STK40: variants seen among roughly 807,000 people sequenced by gnomAD.
STK40 encodes serine/threonine-protein kinase 40.
STK40 carries 13 observed loss-of-function variants against 47.9 expected under a neutral mutation model. That is an observed-to-expected ratio of 0.27 (90% CI 0.18 to 0.43). The LOEUF is 0.43. Among genes scored for constraint, STK40 ranks in the 20% least tolerant of loss-of-function variants. The pLI is 1.00. For synonymous variants in STK40, 225 were observed against 243.2 expected (o/e 0.93, Z 0.69); for missense variants, 460 against 595.1 (o/e 0.77, Z 2.36).
intron 1 of STK40, among the ~76,000 whole-genome samples, chr1:36,384,888 A>G (rs1163936957): frequency 9.2e-5 from 14 of 152,262 alleles, no homozygotes; most frequent in Admixed American, 7.9e-4. Context: ...CGCCCAGCCC[A>G]GTATGCCTAC....
Position 36,358,768 on chromosome 1 carries a change from T to C in STK40, c.167A>G (p.Lys56Arg), listed in dbSNP as rs757202250. Residue 56 changes from lysine (K) to arginine (R), a missense_variant, in exon 3 of 11, where the codon AAA (lysine) becomes AGA (arginine). Physicochemically the swap from Lys to Arg is conservative, Grantham distance 26. This residue lies in a region of STK40 where 277 missense variants were observed against 358.7 expected (regional missense o/e 0.77). Transcript: ENST00000373132. ...VPSIVQCLAR[K>R]DGTDDFYQLK... The stretch of plus-strand genomic sequence containing the variant: ...CTGATAGAAGTCATCCGTGCCATCT[T>C]TCCTCGCCAAACACTGCACTATGCT... The C allele has an allele frequency of 2.5e-6, 4 of 1,614,058 alleles. No homozygotes were observed. In the East Asian group the frequency reaches 6.7e-5, roughly 27 times the overall value.
At chr1:36,357,853 G>A (rs1428986540) in intron 4 of STK40, among the ~76,000 whole-genome samples, 3 of 152,198 alleles carry the variant, frequency 2.0e-5, no homozygotes, top group Non-Finnish European at 2.9e-5. Flanking sequence ...CTGACCTTGT[G>A]ATCTGCCCAC....
At chr1:36,355,164 C>T (rs367917186) in intron 5 of STK40, 42 bp downstream of exon 5, 24 of 1,601,140 alleles carry the variant, frequency 1.5e-5, no homozygotes, top group African/African-American at 2.7e-5. Flanking sequence ...AGAAAGGTGG[C>T]TTTCTGTGGC....
intron 10 of STK40, 112 bp from the exon 11 acceptor site, chr1:36,342,085 C>T: frequency 1.0e-6 from 1 of 1,002,942 alleles, no homozygotes; most frequent in Non-Finnish European, 1.5e-6. Context: ...AGTCACCCTT[C>T]CAGGCACCAC....
chr1:36,354,686 C>T (rs888506238), intron 5 of STK40, among the ~76,000 whole-genome samples: 15 of 152,190 alleles, frequency 9.9e-5, no homozygotes, highest in Middle Eastern at 3.4e-3. Context: ...TGGCTGGTGG[C>T]GAAAGTCACT....
chr1:36,346,421 C>T (rs566406287), intron 7 of STK40, among the ~76,000 whole-genome samples: 1 of 152,352 alleles, frequency 6.6e-6, no homozygotes, highest in East Asian at 1.9e-4. Flanking sequence ...AGACTATCAC[C>T]TCCATGAGGG....
At chr1:36,343,232 C>G in intron 10 of STK40, 132 bp downstream of exon 10, 1 of 1,052,420 alleles carries the variant, frequency 9.5e-7, no homozygotes, top group Non-Finnish European at 1.4e-6. Context: ...CTTTCCCACC[C>G]CAAGGCTGGG....
chr1:36,368,659 T>C (rs1209589260), intron 1 of STK40, among the ~76,000 whole-genome samples: 2 of 152,064 alleles, frequency 1.3e-5, no homozygotes, highest in Admixed American at 1.3e-4. Context: ...AAAACATCCA[T>C]GTCAGACAGT....
chr1:36,372,997 G>C (rs938783440), intron 1 of STK40, among the ~76,000 whole-genome samples: 10 of 152,242 alleles, frequency 6.6e-5, no homozygotes, highest in Admixed American at 5.9e-4. Flanking sequence ...GAGAACCAAG[G>C]GTTTCAAGCC....
At chr1:36,343,158 G>C in intron 10 of STK40, 1 of 705,456 alleles carries the variant, frequency 1.4e-6, no homozygotes. Context: ...TCTGGCCAAA[G>C]ATCTCCAGCT....
intron 1 of STK40, among the ~76,000 whole-genome samples, chr1:36,373,500 C>T (rs1646967364): frequency 6.6e-6 from 1 of 152,152 alleles, no homozygotes; most frequent in Non-Finnish European, 1.5e-5. Context: ...TGACAGCCAT[C>T]CCTGAAGAAG....
chr1:36,377,197 CT>C (rs1474007368), intron 1 of STK40, among the ~76,000 whole-genome samples: 1 of 152,040 alleles, frequency 6.6e-6, no homozygotes, highest in Non-Finnish European at 1.5e-5. Flanking sequence ...ACTAACAATA[CT>C]TTTTTAAAAT....
chr1:36,342,934 C>A (rs1359777665), intron 10 of STK40: 3 of 520,630 alleles, frequency 5.8e-6, no homozygotes, highest in Non-Finnish European at 1.0e-5. Context: ...CAAGTCTCTG[C>A]CCCCACCCTA....
chr1:36,381,940 C>T (rs1346983421), intron 1 of STK40, among the ~76,000 whole-genome samples: 1 of 152,148 alleles, frequency 6.6e-6, no homozygotes, highest in East Asian at 1.9e-4. Context: ...TAGGAGCCTG[C>T]CCCTAGATCA....
intron 1 of STK40, among the ~76,000 whole-genome samples, chr1:36,382,688 T>C (rs1040694571): frequency 6.6e-6 from 1 of 152,238 alleles, no homozygotes; most frequent in African/African-American, 2.4e-5. Flanking sequence ...CAATGGGACA[T>C]AGTTCTAGTT....
At chr1:36,358,489 C>T in intron 3 of STK40, 107 bp from the exon 4 acceptor site, 1 of 1,417,954 alleles carries the variant, frequency 7.1e-7, no homozygotes, top group Non-Finnish European at 9.6e-7. Flanking sequence ...GACATTTGTG[C>T]ACAATGCACA....
chr1:36,384,082 T>G (rs1647064782), intron 1 of STK40, among the ~76,000 whole-genome samples: 1 of 150,552 alleles, frequency 6.6e-6, no homozygotes, highest in Non-Finnish European at 1.5e-5. Context: ...CAGGCTGGAG[T>G]GCACTGGCTT....
At chr1:36,358,567 T>C (rs1403904763) in intron 3 of STK40, among the ~76,000 whole-genome samples, 170 bp downstream of exon 3, 1 of 152,162 alleles carries the variant, frequency 6.6e-6, no homozygotes, top group Non-Finnish European at 1.5e-5. Flanking sequence ...CAGACAAAAC[T>C]CTTTAAATCA....
At chr1:36,372,425 A>AAC (rs1646956596) in intron 1 of STK40, among the ~76,000 whole-genome samples, 2 of 132,532 alleles carry the variant, frequency 1.5e-5, no homozygotes, top group South Asian at 4.3e-4. Flanking sequence ...CCTTGTCTCA[A>AAC]AAAAAAAAAA....
Sources: gnomAD v4.1 joint callset for allele counts (sites outside exome capture counted in the v4.1 genomes callset) on GRCh38, gnomAD v4.1.1 for gene constraint, gnomAD v4.1.1 regional missense constraint, MANE v1.5 for transcripts, NCBI Gene and HGNC (gene_info 2026-07-23, HGNC 2026-07-21) for gene names.